Variants in CNTNAP5 observed in about 807,000 individuals in gnomAD.
The protein encoded by CNTNAP5 is contactin associated protein family member 5.
Under a neutral mutation model 150.2 loss-of-function variants are expected in CNTNAP5, and 72 were observed. The ratio of observed to expected loss-of-function variants is 0.48; its 90% CI spans 0.40 to 0.58. CNTNAP5 has a LOEUF of 0.58. CNTNAP5 is among the 20% of genes least tolerant of loss of function. The pLI, the probability that CNTNAP5 is intolerant of heterozygous loss-of-function variation, is 0.00. For missense variants in CNTNAP5, 1,636 were observed against 1,626.2 expected (o/e 1.01, Z -0.10); for synonymous variants, 672 against 619.8 (o/e 1.08, Z -1.25).
chr2:124,652,420 C>T (rs914209946), intron 13 of CNTNAP5, among the ~76,000 whole-genome samples: 5 of 152,164 alleles, frequency 3.3e-5, no homozygotes, highest in Non-Finnish European at 7.3e-5. Flanking sequence ...CTGAAAAAGG[C>T]TACCTTGGTT....
intron 3 of CNTNAP5, among the ~76,000 whole-genome samples, chr2:124,360,804 G>A (rs1281389803): frequency 4.8e-5 from 4 of 82,812 alleles, no homozygotes; most frequent in East Asian, 6.0e-4. Context: ...TGCTCTTCTC[G>A]AGGAGTATCT....
intron 3 of CNTNAP5, among the ~76,000 whole-genome samples, chr2:124,281,815 C>G (rs1419014903): frequency 6.6e-6 from 1 of 152,108 alleles, no homozygotes; most frequent in African/African-American, 2.4e-5. Flanking sequence ...CGAGAGGCAT[C>G]TTTTAGAGCT....
chr2:124,866,963 A>G (rs1427533148), intron 20 of CNTNAP5, among the ~76,000 whole-genome samples: 2 of 152,142 alleles, frequency 1.3e-5, no homozygotes, highest in Non-Finnish European at 2.9e-5. Flanking sequence ...ATATCCGCAC[A>G]TTCTCAAGAG....
At position 124,655,999 on chromosome 2, in the gene CNTNAP5, A is replaced by AGG. The variant is rs1553427837; in HGVS notation, c.2077+8041_2077+8042insGG. 5.7e-3 allele frequency among the ~76,000 whole-genome samples: 512 copies of AGG among 90,486 alleles called. 2 individuals are homozygous for AGG. The highest frequency in any genetic ancestry group is 0.011 in the Middle Eastern group (2 of 176). The allele number at this position is 90,486 out of a possible 152,430, so 59.4% of individuals were successfully genotyped here. ...AGAAAGAAAGAAAGAAAGAAAGAAA[A>AGG]AAGGAAGGAAGGAAGGAAGGAAGGG... is the stretch of plus-strand genomic sequence containing the variant. On this transcript the variant is annotated intron_variant, in intron 13 of 23. Coordinates refer to ENST00000682447, the MANE Select transcript of CNTNAP5 (RefSeq NM_001367498.1).
At chr2:124,878,165 A>C (rs1312702684) in intron 21 of CNTNAP5, among the ~76,000 whole-genome samples, 1 of 152,070 alleles carries the variant, frequency 6.6e-6, no homozygotes, top group Non-Finnish European at 1.5e-5. Context: ...TTTTAGACTT[A>C]ATGGGCTTAA....
At chr2:124,185,396 G>A (rs965007503) in intron 1 of CNTNAP5, among the ~76,000 whole-genome samples, 5 of 152,246 alleles carry the variant, frequency 3.3e-5, no homozygotes, top group East Asian at 1.9e-4. Context: ...AGTATTAGGC[G>A]TATAAAAGAC....
chr2:124,118,711 G>A (rs752706666), intron 1 of CNTNAP5, among the ~76,000 whole-genome samples: 1 of 152,188 alleles, frequency 6.6e-6, no homozygotes, highest in Non-Finnish European at 1.5e-5. Context: ...ACGTAAGGGA[G>A]AGGAGGAGGA....
Position 124,541,178 on chromosome 2 carries a change from G to GTTTTTTTTTTTTTTTTTTTTTTT in CNTNAP5, c.1649+13722_1649+13723insTTTTTTTTTTTTTTTTTTTTTTT, listed in dbSNP as rs1477319002. Among the ~76,000 whole-genome samples the GTTTTTTTTTTTTTTTTTTTTTTT allele has an allele frequency of 9.1e-4, 25 of 27,538 alleles. 1 individual carries two copies. Among genetic ancestry groups the GTTTTTTTTTTTTTTTTTTTTTTT allele is most frequent in the South Asian group, 1.8e-3 (1 of 544 alleles). The allele number at this position is 27,538 out of a possible 152,430, so 18.1% of individuals were successfully genotyped here. Reference sequence around the variant, plus strand: ...TAGAGGATAAGAAGTACAAAATTCCGATTTTTTTTTTTTTTTTTGGTGAGA... The same window carrying GTTTTTTTTTTTTTTTTTTTTTTT: ...TAGAGGATAAGAAGTACAAAATTCCGTTTTTTTTTTTTTTTTTTTTTTTATTTTTTTTTTTTTTTTTGGTGAGA... On this transcript the variant is annotated intron_variant, in intron 10 of 23. Transcript: ENST00000682447.
intron 13 of CNTNAP5, among the ~76,000 whole-genome samples, chr2:124,686,572 C>T (rs368619097): frequency 6.6e-6 from 1 of 152,086 alleles, no homozygotes; most frequent in African/African-American, 2.4e-5. Context: ...CAGTCCTTTC[C>T]CACATGACAG....
intron 3 of CNTNAP5, among the ~76,000 whole-genome samples, chr2:124,391,241 G>A (rs1215857082): frequency 6.6e-6 from 1 of 152,114 alleles, no homozygotes; most frequent in Non-Finnish European, 1.5e-5. Context: ...CATTTGTTAA[G>A]AAGAATGTAT....
intron 3 of CNTNAP5, among the ~76,000 whole-genome samples, chr2:124,392,270 C>A (rs1218350413): frequency 6.6e-6 from 1 of 152,146 alleles, no homozygotes; most frequent in Admixed American, 6.5e-5. Flanking sequence ...GTCAAATAAT[C>A]TAAGCAGGAT....
chr2:124,600,124 G>A (rs983354125), intron 11 of CNTNAP5, among the ~76,000 whole-genome samples: 1 of 152,194 alleles, frequency 6.6e-6, no homozygotes, highest in African/African-American at 2.4e-5. Context: ...TCCTGAAACA[G>A]TTGGTGAATT....
At chr2:124,848,569 T>A (rs1683095684) in intron 19 of CNTNAP5, among the ~76,000 whole-genome samples, 1 of 152,064 alleles carries the variant, frequency 6.6e-6, no homozygotes, top group Non-Finnish European at 1.5e-5. Context: ...TGTTGAAGAG[T>A]CTTCAAACTG....
chr2:124,658,494 C>T (rs1415094313), intron 13 of CNTNAP5, among the ~76,000 whole-genome samples: 5 of 145,884 alleles, frequency 3.4e-5, no homozygotes, highest in Admixed American at 6.8e-5. Flanking sequence ...AACAAACAAA[C>T]CAAAAAAAAA....
chr2:124,819,901 C>T lies in CNTNAP5; in HGVS notation c.3217+21581C>T, dbSNP rs1682447927. On this transcript the variant is annotated intron_variant, in intron 19 of 23. Coordinates refer to ENST00000682447, the MANE Select transcript of CNTNAP5 (RefSeq NM_001367498.1). The stretch of plus-strand genomic sequence containing the variant: ...TTCTTAAAGTTTCTTCCCTTGGACC[C>T]CATGCTTTCTCCATGTAGGCTCTGC... Among the ~76,000 whole-genome samples, 4 of 152,186 alleles carry T rather than the reference C, an allele frequency of 2.6e-5. No individual in the cohort carries two copies. In the South Asian group the frequency reaches 8.3e-4, roughly 32 times the overall value.
At chr2:124,586,817 T>G (rs894873692) in intron 11 of CNTNAP5, among the ~76,000 whole-genome samples, 20 of 152,236 alleles carry the variant, frequency 1.3e-4, no homozygotes, top group African/African-American at 4.6e-4. Context: ...TTTGAAAGTT[T>G]GTAAAGATTT....
At chr2:124,087,347 C>T (rs796682411) in intron 1 of CNTNAP5, among the ~76,000 whole-genome samples, 38 of 151,894 alleles carry the variant, frequency 2.5e-4, no homozygotes, top group African/African-American at 8.7e-4. Flanking sequence ...AGAGTATAGT[C>T]ATTATTTTAG....
chr2:124,383,021 A>G (rs1233260757), intron 3 of CNTNAP5, among the ~76,000 whole-genome samples: 1 of 152,142 alleles, frequency 6.6e-6, no homozygotes, highest in Non-Finnish European at 1.5e-5. Context: ...CCCGCTGCGA[A>G]GTTGCTCCCT....
intron 19 of CNTNAP5, among the ~76,000 whole-genome samples, chr2:124,810,653 G>T (rs1682195657): frequency 6.6e-6 from 1 of 152,200 alleles, no homozygotes; most frequent in African/African-American, 2.4e-5. Flanking sequence ...ATATAAAAAA[G>T]AAAGACATGA....
Sources: allele counts gnomAD v4.1 joint callset (sites outside exome capture counted in the v4.1 genomes callset), GRCh38; gene constraint gnomAD v4.1.1; transcripts MANE v1.5; gene names NCBI Gene and HGNC (gene_info 2026-07-23, HGNC 2026-07-21).